The following PXK variants were observed in gnomAD, a reference collection of about 807,000 sequenced individuals.
The protein encoded by PXK is PX domain containing serine/threonine kinase like.
Under a neutral mutation model 84.7 loss-of-function variants are expected in PXK, and 35 were observed. The observed-to-expected ratio is 0.41, with a 90% confidence interval of 0.32 to 0.55. PXK has a LOEUF of 0.55. PXK is among the 20% of genes least tolerant of loss of function. PXK has a pLI of 0.21. For missense variants in PXK, 634 were observed against 699.7 expected (o/e 0.91, Z 1.06); for synonymous variants, 253 against 260.8 (o/e 0.97, Z 0.29).
rs1233723159 is a variant in PXK, at chr3:58,364,996, ATTTC to A, written c.103-874_103-871del. 1.3e-5 allele frequency among the ~76,000 whole-genome samples: 2 copies of A among 150,432 alleles called. No individual in the cohort carries two copies. Among genetic ancestry groups the A allele is most frequent in the Non-Finnish European group, 3.0e-5 (2 of 67,608 alleles). On this transcript the variant is annotated intron_variant, in intron 1 of 17. Coordinates refer to ENST00000356151, the MANE Select transcript of PXK (RefSeq NM_017771.5). This position sits in a 1 kb window ranked among gnomAD's most constrained non-coding sequence, Gnocchi z 4.3. ...GCTTTTTATTTCTTGACTTTTCTCT[ATTTC>A]TTTGTTTTCAATTTTATTGATTTCT...
Position 58,425,079 on chromosome 3 carries a change from A to G in PXK, c.*119A>G, listed in dbSNP as rs1032762342. ...AGCCAGTACAGCCACAAACAGTACT[A>G]TTTTGCAGATGCTCATGTAAGCAGC... On this transcript the variant is annotated 3_prime_UTR_variant, in exon 18 of 18. Coordinates refer to ENST00000356151, the MANE Select transcript of PXK (RefSeq NM_017771.5). 21 of 1,392,838 alleles carry G rather than the reference A, an allele frequency of 1.5e-5. No homozygotes were observed. The highest frequency in any genetic ancestry group is 7.9e-5 in the Admixed American group (3 of 38,216). 86.3% of individuals were successfully genotyped at this position (1,392,838 alleles called of 1,614,324 possible). A position where few individuals can be genotyped will look rare whatever the true frequency, so the allele number is the denominator to read the frequency against.
intron 1 of PXK, among the ~76,000 whole-genome samples, chr3:58,352,411 GT>G (rs1559890987): frequency 6.6e-6 from 1 of 152,186 alleles, no homozygotes. Context: ...TTTCTATGTT[GT>G]TGTCTATTCT....
At chr3:58,365,497 T>C (rs990988683) in intron 1 of PXK, among the ~76,000 whole-genome samples, 5 of 152,240 alleles carry the variant, frequency 3.3e-5, no homozygotes, top group African/African-American at 1.2e-4. Context: ...TTAAATCCTG[T>C]TGGCTGATGG....
At chr3:58,361,943 A>G (rs1199182699) in intron 1 of PXK, among the ~76,000 whole-genome samples, 1 of 152,198 alleles carries the variant, frequency 6.6e-6, no homozygotes, top group African/African-American at 2.4e-5. Context: ...TAGTTATACC[A>G]TTTTATAGTC....
chr3:58,333,515 G>T lies in PXK; in HGVS notation c.102+425G>T, dbSNP rs1308286412. On this transcript the variant is annotated intron_variant, in intron 1 of 17. Transcript: ENST00000356151. The surrounding 1 kb of genome is among the most constrained non-coding windows in gnomAD (Gnocchi z 5.4). ...TGTAATTTCCTCCTTGCAGCTGAGGGTCTGGGTGATGGGGATGAGGGTGTG... is the reference window on the plus strand; with the variant it reads ...TGTAATTTCCTCCTTGCAGCTGAGGTTCTGGGTGATGGGGATGAGGGTGTG... 1 of 456,640 alleles carries T rather than the reference G, an allele frequency of 2.2e-6. No individual in the cohort carries two copies. 28.3% of individuals were successfully genotyped at this position (456,640 alleles called of 1,614,324 possible). A position where few individuals can be genotyped will look rare whatever the true frequency, so the allele number is the denominator to read the frequency against.
In PXK at chr3:58,344,362, C is replaced by A. The variant is rs536630458; in HGVS notation, c.102+11272C>A. Among the ~76,000 whole-genome samples the A allele has an allele frequency of 2.3e-3, 345 of 152,312 alleles. 4 individuals are homozygous for A. The Middle Eastern group carries it at 0.044, about 20-fold the overall frequency. On this transcript the variant is annotated intron_variant, in intron 1 of 17. Transcript: ENST00000356151. ...CTCACTGTCAACTGTGATTACTTTG[C>A]TAATATGTGGCAAAAAACATCAGTG...
In PXK at chr3:58,397,673, A is replaced by G; in HGVS notation, c.1053A>G (p.Pro351=). 6.2e-7 allele frequency: 1 copy of G among 1,614,132 alleles called. No individual in the cohort carries two copies. The highest frequency in any genetic ancestry group is 8.5e-7 in the Non-Finnish European group (1 of 1,179,998). Residue 351 remains proline, a synonymous_variant, in exon 11 of 18, where the codon CCA becomes CCG. Coordinates refer to ENST00000356151, the MANE Select transcript of PXK (RefSeq NM_017771.5). The surrounding 1 kb of genome is among the most constrained non-coding windows in gnomAD (Gnocchi z 4.7). ...LLYEMTYGRP[P]DSVPVDSFPP... ...ATGAAATGACTTATGGACGACCGCC[A>G]GACTCGGTGCCTGTGGACTCCTTCC...
Position 58,333,630 on chromosome 3 carries a change from C to T in PXK, c.102+540C>T, listed in dbSNP as rs1254004474. 2.2e-6 allele frequency: 1 copy of T among 456,668 alleles called. No homozygotes were observed. The highest frequency in any genetic ancestry group is 1.5e-5 in the South Asian group (1 of 64,564). The allele number at this position is 456,668 out of a possible 1,614,324, so 28.3% of individuals were successfully genotyped here. A position where few individuals can be genotyped will look rare whatever the true frequency, so the allele number is the denominator to read the frequency against. The stretch of plus-strand genomic sequence containing the variant: ...GTCTGCAGCCCCGTTTCCAGGTCAG[C>T]CGCTTGGCCCTGGTCCCGGGAAGTG... On this transcript the variant is annotated intron_variant, in intron 1 of 17. Coordinates refer to ENST00000356151, the MANE Select transcript of PXK (RefSeq NM_017771.5). This position sits in a 1 kb window ranked among gnomAD's most constrained non-coding sequence, Gnocchi z 5.4.
intron 15 of PXK, 88 bp from the exon 16 acceptor site, chr3:58,410,002 G>C (rs2059960759): frequency 2.3e-6 from 2 of 851,888 alleles, no homozygotes; most frequent in African/African-American, 3.3e-5. Flanking sequence ...GGTATGCCTG[G>C]AAAATATTTT....
chr3:58,345,311 T>C (rs1471832146), intron 1 of PXK, among the ~76,000 whole-genome samples: 1 of 152,144 alleles, frequency 6.6e-6, no homozygotes, highest in Non-Finnish European at 1.5e-5. Context: ...ACTCCTTTCA[T>C]AGTAATAGGG....
chr3:58,422,693 G>A, intron 17 of PXK: 4 of 985,354 alleles, frequency 4.1e-6, no homozygotes, highest in Non-Finnish European at 4.8e-6. Flanking sequence ...TTGGTTCTCT[G>A]TGAGGCCAAG....
intron 7 of PXK, among the ~76,000 whole-genome samples, chr3:58,392,940 G>A (rs962004072): frequency 2.0e-5 from 3 of 152,068 alleles, no homozygotes; most frequent in African/African-American, 7.2e-5. Flanking sequence ...GATGACAGGT[G>A]TGAGCCACCG....
Position 58,395,649 on chromosome 3 carries a change from T to C in PXK, c.721-9T>C. 1 of 1,603,140 alleles carries C rather than the reference T, an allele frequency of 6.2e-7. No individual in the cohort carries two copies. The highest frequency in any genetic ancestry group is 1.1e-5 in the South Asian group (1 of 90,412). On this transcript the variant is annotated splice_polypyrimidine_tract_variant and intron_variant, in intron 8 of 17. Coordinates refer to ENST00000356151, the MANE Select transcript of PXK (RefSeq NM_017771.5). ...TGCTTTCTTACGTGTTCTTTGTTCT[T>C]TTCCAAAGGCAAAACCAAAAGACCC...
chr3:58,378,518 G>GTGTGTGTGTA, intron 3 of PXK, among the ~76,000 whole-genome samples: 1 of 25,378 alleles, frequency 3.9e-5, no homozygotes, highest in Non-Finnish European at 9.6e-5. Flanking sequence ...TTTTTTGTGT[G>GTGTGTGTGTA]TGTGTGTGTG....
At chr3:58,337,103 C>A (rs958196604) in intron 1 of PXK, among the ~76,000 whole-genome samples, 2 of 152,174 alleles carry the variant, frequency 1.3e-5, no homozygotes, top group Non-Finnish European at 2.9e-5. Flanking sequence ...AGCCACCATG[C>A]CTGGCAGTTT....
At chr3:58,404,324 A>G (rs1358378350) in intron 13 of PXK, among the ~76,000 whole-genome samples, 1 of 152,184 alleles carries the variant, frequency 6.6e-6, no homozygotes, top group Non-Finnish European at 1.5e-5. Context: ...GCTGTTATCT[A>G]CAGCAGGGTT....
intron 2 of PXK, among the ~76,000 whole-genome samples, chr3:58,366,166 C>T (rs768932460): frequency 4.6e-5 from 7 of 151,980 alleles, no homozygotes; most frequent in African/African-American, 7.3e-5. Context: ...GAATTTGTTC[C>T]CCAGCTCAAC....
In PXK at chr3:58,383,559, C is replaced by A. The variant is rs983663128; in HGVS notation, c.388+859C>A. 6.6e-6 allele frequency among the ~76,000 whole-genome samples: 1 copy of A among 152,198 alleles called. No individual in the cohort carries two copies. Among genetic ancestry groups the A allele is most frequent in the Non-Finnish European group, 1.5e-5 (1 of 68,046 alleles). ...GCAAAGCATAGGAGGTCATTCTCTT[C>A]CAAATCTTTCCTGGATCAGGGCAGC... is the stretch of plus-strand genomic sequence containing the variant. On this transcript the variant is annotated intron_variant, in intron 4 of 17. Transcript: ENST00000356151. This position sits in a 1 kb window ranked among gnomAD's most constrained non-coding sequence, Gnocchi z 4.0.
In PXK at chr3:58,332,981, G is replaced by A. The variant is rs2097521680; in HGVS notation, c.-8G>A. 2 of 1,358,022 alleles carry A rather than the reference G, an allele frequency of 1.5e-6. No individual in the cohort carries two copies. The highest frequency in any genetic ancestry group is 3.1e-5 in the African/African-American group (2 of 65,210). The allele number at this position is 1,358,022 out of a possible 1,614,324, so 84.1% of individuals were successfully genotyped here. A position where few individuals can be genotyped will look rare whatever the true frequency, so the allele number is the denominator to read the frequency against. ...CGTCCCTAGGCGGCGGCGGCCGGGC[G>A]TCCCGGGATGGCCTTCATGGAGAAG... On this transcript the variant is annotated 5_prime_UTR_variant, in exon 1 of 18. Transcript: ENST00000356151. This position sits in a 1 kb window ranked among gnomAD's most constrained non-coding sequence, Gnocchi z 5.6.
Sources: gnomAD v4.1 joint callset for allele counts (sites outside exome capture counted in the v4.1 genomes callset) on GRCh38, gnomAD v4.1.1 for gene constraint, Gnocchi (gnomAD v3.1) non-coding constraint, MANE v1.5 for transcripts, NCBI Gene and HGNC (gene_info 2026-07-23, HGNC 2026-07-21) for gene names.